Variants in TEAD4 observed in about 807,000 individuals in gnomAD.
The protein encoded by TEAD4 is transcriptional enhancer factor TEF-3.
In TEAD4, 36 loss-of-function variants were observed where a neutral mutation model predicts 52.4. The ratio of observed to expected loss-of-function variants is 0.69; its 90% confidence interval spans 0.53 to 0.91. TEAD4 has a LOEUF of 0.91. TEAD4 is among the 40% of genes least tolerant of loss of function. TEAD4 has a pLI of 0.00. For missense variants in TEAD4, 508 were observed against 583.9 expected (o/e 0.87, Z 1.34); for synonymous variants, 220 against 231.0 (o/e 0.95, Z 0.43).
In TEAD4 at chr12:3,012,310, A is replaced by T. The variant is rs2098260963; in HGVS notation, c.354+78A>T. On this transcript the variant is annotated intron_variant, in intron 5 of 12. Coordinates refer to ENST00000359864, the MANE Select transcript of TEAD4 (RefSeq NM_003213.4). ...CATATCTTCCCTTTGGGGTCAGGGC[A>T]TCACTGCTGGTGTGCAAGTCAGTGT... The T allele has an allele frequency of 3.4e-6, 5 of 1,484,710 alleles. No individual in the cohort carries two copies. In the East Asian group the frequency reaches 9.3e-5, roughly 28 times the overall value. 92.0% of individuals were successfully genotyped at this position (1,484,710 alleles called of 1,614,324 possible). A position where few individuals can be genotyped will look rare whatever the true frequency, so the allele number is the denominator to read the frequency against.
rs200760204 is a variant in TEAD4 at position 2,994,943 on chromosome 12, G to A, written c.177G>A (p.Pro59=). ...TCCAGGAGGCCCTCGCCATCTACCC[G>A]CCCTGTGGCAGGCGCAAAATCATCC... Residue 59 remains proline, a synonymous_variant, in exon 3 of 13, where the codon CCG becomes CCA. Coordinates refer to ENST00000359864, the MANE Select transcript of TEAD4 (RefSeq NM_003213.4). The surrounding 1 kb of genome is among the most constrained non-coding windows in gnomAD (Gnocchi z 4.7). 1.1e-5 allele frequency: 17 copies of A among 1,614,144 alleles called. No individual in the cohort carries two copies. The highest frequency in any genetic ancestry group is 4.5e-5 in the East Asian group (2 of 44,858).
At chr12:2,971,669 G>C (rs927918564) in intron 2 of TEAD4, among the ~76,000 whole-genome samples, 5 of 151,294 alleles carry the variant, frequency 3.3e-5, no homozygotes, top group Admixed American at 1.3e-4. Context: ...TAGAGACGGG[G>C]TTTCACCATG....
chr12:3,009,464 A>G (rs1437013816), intron 3 of TEAD4, among the ~76,000 whole-genome samples: 1 of 151,982 alleles, frequency 6.6e-6, no homozygotes, highest in Admixed American at 6.6e-5. Context: ...AGAAGAAGAG[A>G]AGGCTGAGTG....
intron 2 of TEAD4, among the ~76,000 whole-genome samples, chr12:2,983,408 G>A (rs1246909179): frequency 2.0e-5 from 3 of 152,180 alleles, no homozygotes; most frequent in African/African-American, 7.2e-5. Flanking sequence ...TACTTCTAGA[G>A]GCCACTGGAG....
intron 2 of TEAD4, among the ~76,000 whole-genome samples, chr12:2,988,226 C>T (rs1032956365): frequency 4.0e-5 from 6 of 151,820 alleles, no homozygotes; most frequent in African/African-American, 1.5e-4. Flanking sequence ...GAAATACATA[C>T]TAGGGGTCTG....
rs980959548 is a variant in TEAD4, at chr12:2,959,861, T to TGGCCCCGC, written c.-122-78_-122-71dup. ...GGGGCCGGTCGGCGCGGGGTGGGCT[T>TGGCCCCGC]GGCCCCGCGGCCCCGCCTTCACTGC... On this transcript the variant is annotated intron_variant, in intron 1 of 12. Coordinates refer to ENST00000359864, the MANE Select transcript of TEAD4 (RefSeq NM_003213.4). The surrounding 1 kb of genome is among the most constrained non-coding windows in gnomAD (Gnocchi z 5.1). 2 of 151,514 alleles carry TGGCCCCGC rather than the reference T, an allele frequency of 1.3e-5. No individual in the cohort carries two copies. The highest frequency in any genetic ancestry group is 6.6e-5 in the Admixed American group (1 of 15,206). 9.4% of individuals were successfully genotyped at this position (151,514 alleles called of 1,614,324 possible).
intron 2 of TEAD4, among the ~76,000 whole-genome samples, chr12:2,988,591 C>T (rs896167427): frequency 6.6e-6 from 1 of 151,722 alleles, no homozygotes; most frequent in Admixed American, 6.6e-5. Flanking sequence ...ATCTTCAAAA[C>T]GATGTGTCTT....
chr12:2,982,792 A>T (rs1163473270), intron 2 of TEAD4, among the ~76,000 whole-genome samples: 1 of 152,198 alleles, frequency 6.6e-6, no homozygotes, highest in Non-Finnish European at 1.5e-5. Context: ...TCCTAGGGAC[A>T]TGGAGTGCAG....
chr12:2,976,642 C>G (rs1419557958), intron 2 of TEAD4, among the ~76,000 whole-genome samples: 2 of 152,086 alleles, frequency 1.3e-5, no homozygotes, highest in Non-Finnish European at 2.9e-5. Flanking sequence ...CTGCAGATAC[C>G]CACGCCCCTG....
At chr12:3,034,094 C>G (rs906461339) in intron 10 of TEAD4, among the ~76,000 whole-genome samples, 4 of 151,380 alleles carry the variant, frequency 2.6e-5, no homozygotes, top group Non-Finnish European at 5.9e-5. Flanking sequence ...TTTGTTCTCC[C>G]GATTATAAAT....
At chr12:3,023,786 G>C (rs564964900) in intron 10 of TEAD4, among the ~76,000 whole-genome samples, 1 of 67,144 alleles carries the variant, frequency 1.5e-5, no homozygotes, top group Admixed American at 2.2e-4. Flanking sequence ...GAGCGAGACT[G>C]TCTCAAAAAA....
At chr12:3,020,957 T>C (rs1351982453) in intron 9 of TEAD4, among the ~76,000 whole-genome samples, 184 bp downstream of exon 9, 2 of 151,858 alleles carry the variant, frequency 1.3e-5, no homozygotes, top group African/African-American at 4.8e-5. Flanking sequence ...CTTCCCTCTT[T>C]CCCTCCTCCC....
intron 9 of TEAD4, among the ~76,000 whole-genome samples, chr12:3,021,267 A>G (rs2098268507): frequency 6.6e-6 from 1 of 150,824 alleles, no homozygotes; most frequent in African/African-American, 2.4e-5. Flanking sequence ...CCAAGGTGAC[A>G]GGATGCCAGG....
chr12:2,995,058 G>C, intron 3 of TEAD4, 66 bp downstream of exon 3: 1 of 1,554,142 alleles, frequency 6.4e-7, no homozygotes, highest in Admixed American at 1.9e-5. Context: ...CCAGAACCTT[G>C]GGGTTCCTGC....
Position 3,037,978 on chromosome 12 carries a change from ACAC to A in TEAD4, c.911_913del (p.Thr304del). 6.2e-7 allele frequency: 1 copy of A among 1,613,606 alleles called. No individual in the cohort carries two copies. The highest frequency in any genetic ancestry group is 8.5e-7 in the Non-Finnish European group (1 of 1,179,676). On this transcript the variant is annotated inframe_deletion, in exon 11 of 13. Coordinates refer to ENST00000359864, the MANE Select transcript of TEAD4 (RefSeq NM_003213.4). ...ACTGTCTCCCTCCAGGCAGACCTCA[ACAC>A]CAACATCGAGGATGAAGGCAGCTCC...
chr12:3,015,696 C>T lies in TEAD4; in HGVS notation c.355-1702C>T, dbSNP rs116062924. ...GTGTTTTAGAGACTCCACTCTGTCA[C>T]CCAGGCTGGAGTGCAGTAGTGCTGT... is the stretch of plus-strand genomic sequence containing the variant. On this transcript the variant is annotated intron_variant, in intron 5 of 12. Coordinates refer to ENST00000359864, the MANE Select transcript of TEAD4 (RefSeq NM_003213.4). 4.7e-3 allele frequency among the ~76,000 whole-genome samples: 712 copies of T among 152,334 alleles called. 4 individuals are homozygous for T. The highest frequency in any genetic ancestry group is 0.015 in the African/African-American group (640 of 41,572).
intron 2 of TEAD4, among the ~76,000 whole-genome samples, chr12:2,987,021 C>A (rs965039422): frequency 2.6e-5 from 4 of 152,168 alleles, no homozygotes; most frequent in African/African-American, 9.7e-5. Context: ...GTGAGTGGTT[C>A]ATTTCCTGAG....
rs530429634 is a variant in TEAD4, at chr12:3,007,023, T to C, written c.227-3981T>C. ...GCCTGGGCGACAGCGAGACTCCCTC[T>C]CAAAACAAAACAAAAAAGAAGACGG... On this transcript the variant is annotated intron_variant, in intron 3 of 12. Coordinates refer to ENST00000359864, the MANE Select transcript of TEAD4 (RefSeq NM_003213.4). 8.5e-4 allele frequency among the ~76,000 whole-genome samples: 129 copies of C among 152,240 alleles called. 2 individuals are homozygous for C. The highest frequency in any genetic ancestry group is 3.0e-3 in the African/African-American group (124 of 41,558).
intron 3 of TEAD4, among the ~76,000 whole-genome samples, chr12:2,999,298 C>G (rs963782849): frequency 4.6e-5 from 7 of 152,308 alleles, no homozygotes; most frequent in African/African-American, 1.7e-4. Flanking sequence ...TTTCTCCCCC[C>G]TCACTTCCCT....
Sources: allele counts gnomAD v4.1 joint callset (sites outside exome capture counted in the v4.1 genomes callset), GRCh38; gene constraint gnomAD v4.1.1; non-coding constraint Gnocchi (gnomAD v3.1); transcripts MANE v1.5; gene names NCBI Gene and HGNC (gene_info 2026-07-23, HGNC 2026-07-21).